The following FSHR variants were observed in gnomAD, a reference collection of about 807,000 sequenced individuals.
FSHR encodes the protein follicle stimulating hormone receptor, also known as follicle-stimulating hormone receptor.
FSHR carries 46 observed loss-of-function variants against 52.1 expected under a neutral mutation model. The observed-to-expected ratio is 0.88, with a 90% CI of 0.70 to 1.13. FSHR has a LOEUF of 1.13. Among genes scored for constraint, FSHR ranks in the 50% most tolerant of loss-of-function variants. The pLI, the probability that FSHR is intolerant of heterozygous loss-of-function variation, is 0.00. For missense variants in FSHR, 964 were observed against 834.6 expected, an observed-to-expected ratio of 1.16 and a Z score of -1.91; for synonymous variants, 399 against 309.6, an observed-to-expected ratio of 1.29 and a Z score of -3.03.
chr2:49,060,414 C>T (rs1558417390), intron 2 of FSHR, among the ~76,000 whole-genome samples: 4 of 152,144 alleles, frequency 2.6e-5, no homozygotes. Flanking sequence ...TCATGCCTCT[C>T]CAGTGCCTAA....
At chr2:49,119,086 C>A (rs1671707019) in intron 1 of FSHR, among the ~76,000 whole-genome samples, 1 of 152,192 alleles carries the variant, frequency 6.6e-6, no homozygotes, top group African/African-American at 2.4e-5. Flanking sequence ...CAGTGGACAT[C>A]AGTGAGTAGG....
At chr2:48,998,047 C>T (rs961480019) in intron 4 of FSHR, among the ~76,000 whole-genome samples, 2 of 152,084 alleles carry the variant, frequency 1.3e-5, no homozygotes, top group African/African-American at 4.8e-5. Flanking sequence ...GTTTTCTGAT[C>T]AGGATCATAC....
At chr2:49,058,109 T>A (rs143861750) in intron 2 of FSHR, among the ~76,000 whole-genome samples, 1 of 152,294 alleles carries the variant, frequency 6.6e-6, no homozygotes, top group African/African-American at 2.4e-5. Context: ...AACTGGAATG[T>A]TACAATAATT....
intron 1 of FSHR, among the ~76,000 whole-genome samples, chr2:49,084,770 A>T (rs1265870648): frequency 1.3e-5 from 2 of 152,204 alleles, no homozygotes; most frequent in Non-Finnish European, 2.9e-5. Context: ...TTCTGGACAC[A>T]TACACTCTCC....
At chr2:49,106,622 C>A (rs778944947) in intron 1 of FSHR, among the ~76,000 whole-genome samples, 5 of 152,192 alleles carry the variant, frequency 3.3e-5, no homozygotes, top group African/African-American at 4.8e-5. Context: ...TTCAACCAAA[C>A]TGCAGGCTCA....
At chr2:49,044,599 C>A (rs1668590871) in intron 2 of FSHR, among the ~76,000 whole-genome samples, 1 of 152,150 alleles carries the variant, frequency 6.6e-6, no homozygotes, top group African/African-American at 2.4e-5. Flanking sequence ...TGCAGAAATG[C>A]TACTGGGCCT....
intron 1 of FSHR, among the ~76,000 whole-genome samples, chr2:49,142,893 T>G (rs1323861820): frequency 6.6e-6 from 1 of 152,154 alleles, no homozygotes; most frequent in East Asian, 1.9e-4. Context: ...ATACAGATGA[T>G]GAAGGCTGGG....
intron 4 of FSHR, among the ~76,000 whole-genome samples, chr2:49,014,465 C>A (rs1472556720): frequency 6.6e-6 from 1 of 152,116 alleles, no homozygotes; most frequent in East Asian, 1.9e-4. Flanking sequence ...AGGCATAGCT[C>A]TGTTTCCTCT....
At chr2:48,991,063 C>A (rs867203385) in intron 4 of FSHR, among the ~76,000 whole-genome samples, 1 of 152,138 alleles carries the variant, frequency 6.6e-6, no homozygotes, top group Non-Finnish European at 1.5e-5. Flanking sequence ...TGCCCTAAGA[C>A]CCTAGGGTAT....
intron 2 of FSHR, among the ~76,000 whole-genome samples, chr2:49,064,384 TA>T (rs1669428601): frequency 6.6e-6 from 1 of 152,100 alleles, no homozygotes; most frequent in Non-Finnish European, 1.5e-5. Context: ...GTGTTGCCAT[TA>T]AAAAGGGCTT....
At position 48,962,921 on chromosome 2, in the gene FSHR, G is replaced by A. The variant is rs769165783; in HGVS notation, c.1900C>T (p.Arg634Cys). The change falls in exon 10 of 10, where the codon CGC becomes TGC. Residue 634 changes from arginine (R) to cysteine (C), a missense_variant. Physicochemically the swap from Arg to Cys is radical, Grantham distance 180 (BLOSUM62 -3). Coordinates refer to ENST00000406846, the MANE Select transcript of FSHR (RefSeq NM_000145.4). ...CTCAGCAGAATGAAGAAATCTCTGC[G>A]AAAGTTTTTGGTAAAGATGGCATAG... ...FLYAIFTKNF[R>C]RDFFILLSKC... 5.0e-5 allele frequency: 81 copies of A among 1,614,004 alleles called. No individual in the cohort carries two copies. Among genetic ancestry groups the A allele is most frequent in the East Asian group, 1.3e-4 (6 of 44,892 alleles).
At chr2:49,113,568 GT>G (rs1671501695) in intron 1 of FSHR, among the ~76,000 whole-genome samples, 1 of 152,016 alleles carries the variant, frequency 6.6e-6, no homozygotes, top group African/African-American at 2.4e-5. Context: ...TTTTGTTTTT[GT>G]TTTTTCTTTT....
At chr2:49,132,452 C>T (rs910283673) in intron 1 of FSHR, among the ~76,000 whole-genome samples, 10 of 152,098 alleles carry the variant, frequency 6.6e-5, no homozygotes, top group Non-Finnish European at 1.2e-4. Context: ...ATGTTTTGCT[C>T]ACCATGTCAC....
chr2:49,098,016 A>C (rs1670890067), intron 1 of FSHR, among the ~76,000 whole-genome samples: 1 of 152,162 alleles, frequency 6.6e-6, no homozygotes. Context: ...TCATCCAATA[A>C]ACATTTATAG....
intron 1 of FSHR, among the ~76,000 whole-genome samples, chr2:49,114,992 A>C (rs947146654): frequency 6.6e-6 from 1 of 151,864 alleles, no homozygotes; most frequent in Non-Finnish European, 1.5e-5. Flanking sequence ...ATTTGGTTGA[A>C]AAGTTTGTTT....
At chr2:48,996,972 A>G (rs1231026543) in intron 4 of FSHR, among the ~76,000 whole-genome samples, 1 of 152,110 alleles carries the variant, frequency 6.6e-6, no homozygotes, top group Non-Finnish European at 1.5e-5. Flanking sequence ...GAGTTTGTAT[A>G]TCTATATACA....
chr2:49,127,837 TC>T (rs1558456732), intron 1 of FSHR, among the ~76,000 whole-genome samples: 917 of 18,196 alleles, frequency 0.05, 101 homozygotes, highest in South Asian at 0.11. Flanking sequence ...TTCCTCTTCT[TC>T]TTCTTCTTCT....
At chr2:49,093,738 G>A (rs1670708366) in intron 1 of FSHR, among the ~76,000 whole-genome samples, 1 of 151,792 alleles carries the variant, frequency 6.6e-6, no homozygotes, top group Non-Finnish European at 1.5e-5. Flanking sequence ...AGGATTACAG[G>A]CGTGCACCAC....
chr2:49,041,874 C>G (rs1287284198), intron 2 of FSHR, among the ~76,000 whole-genome samples: 4 of 152,078 alleles, frequency 2.6e-5, no homozygotes. Context: ...AGGCTGGGCA[C>G]AATGGCTCAT....
Sources: gnomAD v4.1 joint callset for allele counts (sites outside exome capture counted in the v4.1 genomes callset) on GRCh38, gnomAD v4.1.1 for gene constraint, MANE v1.5 for transcripts, NCBI Gene and HGNC (gene_info 2026-07-23, HGNC 2026-07-21) for gene names.